CLDN1: variants seen among roughly 807,000 people sequenced by gnomAD.
CLDN1 encodes claudin 1, also known as claudin-1.
Under a neutral mutation model 22.6 loss-of-function variants are expected in CLDN1, and 12 were observed. The observed-to-expected ratio is 0.53, with a 90% CI of 0.34 to 0.86. The LOEUF (loss-of-function observed/expected upper bound fraction) is 0.86. CLDN1 is among the 40% of genes least tolerant of loss of function. The pLI, the probability that CLDN1 is intolerant of heterozygous loss-of-function variation, is 0.02. For missense variants in CLDN1, 250 were observed against 269.5 expected (o/e 0.93, Z 0.51); for synonymous variants, 99 against 103.8 (o/e 0.95, Z 0.28).
intron 1 of CLDN1, among the ~76,000 whole-genome samples, chr3:190,319,167 C>T (rs1716850861): frequency 6.6e-6 from 1 of 152,100 alleles, no homozygotes; most frequent in African/African-American, 2.4e-5. Flanking sequence ...TTTAAGCAAG[C>T]ACATAAAATT....
At chr3:190,310,356 C>T in intron 2 of CLDN1, 103 bp from the exon 3 acceptor site, 1 of 805,120 alleles carries the variant, frequency 1.2e-6, no homozygotes, top group Non-Finnish European at 2.1e-6. Context: ...TAAATCTCAT[C>T]AATAGTGTTG....
chr3:190,306,432 T>C lies in CLDN1; in HGVS notation c.*1845A>G, dbSNP rs1354194073. The C allele has an allele frequency of 6.6e-6, 1 of 152,216 alleles. No individual in the cohort carries two copies. Among genetic ancestry groups the C allele is most frequent in the African/African-American group, 2.4e-5 (1 of 41,458 alleles). The allele number at this position is 152,216 out of a possible 1,614,324, so 9.4% of individuals were successfully genotyped here. ...ACATTTGAAAAGCAACACCAAAACGTATGCAGTTAATTCCTCAATTCTTTC... is the reference window on the plus strand; with the variant it reads ...ACATTTGAAAAGCAACACCAAAACGCATGCAGTTAATTCCTCAATTCTTTC... On this transcript the variant is annotated 3_prime_UTR_variant, in exon 4 of 4. Coordinates refer to ENST00000295522, the MANE Select transcript of CLDN1 (RefSeq NM_021101.5).
intron 1 of CLDN1, among the ~76,000 whole-genome samples, chr3:190,320,433 A>G (rs544377042): frequency 6.6e-6 from 1 of 152,318 alleles, no homozygotes; most frequent in East Asian, 1.9e-4. Flanking sequence ...AATTATTACC[A>G]AATTTTTCAT....
chr3:190,311,077 G>T (rs1222577520), intron 2 of CLDN1, among the ~76,000 whole-genome samples: 1 of 152,178 alleles, frequency 6.6e-6, no homozygotes, highest in Non-Finnish European at 1.5e-5. Flanking sequence ...ATGGTCCAAT[G>T]TAATTGCCTC....
At chr3:190,311,960 T>TG (rs1370153648) in intron 2 of CLDN1, among the ~76,000 whole-genome samples, 7 of 2,904 alleles carry the variant, frequency 2.4e-3, no homozygotes, top group African/African-American at 0.019. Flanking sequence ...TTTTCTTTTT[T>TG]CTTTTTTTTT....
intron 1 of CLDN1, 46 bp from the exon 2 acceptor site, chr3:190,313,082 C>T (rs1191371213): frequency 6.2e-7 from 1 of 1,610,464 alleles, no homozygotes. Flanking sequence ...CTTGGACCAA[C>T]AAGAGAAAAA....
intron 3 of CLDN1, among the ~76,000 whole-genome samples, chr3:190,308,758 A>C (rs1261494168): frequency 6.6e-6 from 1 of 152,192 alleles, no homozygotes; most frequent in Non-Finnish European, 1.5e-5. Context: ...GGTTTGGATC[A>C]TGGTTCCTAG....
At chr3:190,321,373 C>T (rs1281192532) in intron 1 of CLDN1, among the ~76,000 whole-genome samples, 1 of 152,170 alleles carries the variant, frequency 6.6e-6, no homozygotes, top group African/African-American at 2.4e-5. Context: ...CAAGCAGCTT[C>T]TCCAAAGAGT....
chr3:190,316,963 T>G (rs1200676552), intron 1 of CLDN1, among the ~76,000 whole-genome samples: 1 of 152,158 alleles, frequency 6.6e-6, no homozygotes, highest in Non-Finnish European at 1.5e-5. Flanking sequence ...ACTTTTTGCT[T>G]ATTTTGATCT....
At chr3:190,318,420 T>G (rs1716826475) in intron 1 of CLDN1, among the ~76,000 whole-genome samples, 1 of 152,198 alleles carries the variant, frequency 6.6e-6, no homozygotes, top group South Asian at 2.1e-4. Flanking sequence ...GGAAGGAATC[T>G]TAGAACTCAT....
Position 190,308,418 on chromosome 3 carries a change from G to A in CLDN1, c.495C>T (p.Leu165=), listed in dbSNP as rs1716520426. The A allele has an allele frequency of 6.2e-7, 1 of 1,613,604 alleles. No homozygotes were observed. The highest frequency in any genetic ancestry group is 8.5e-7 in the Non-Finnish European group (1 of 1,179,798). ...GAGAAGCAGCAGCCCAGCCAGTGAAGAGAGCCTGACCAAATTCGTACCTAA... is the reference window on the plus strand; with the variant it reads ...GAGAAGCAGCAGCCCAGCCAGTGAAAAGAGCCTGACCAAATTCGTACCTAA... ...VNARYEFGQA[L]FTGWAAASLC... is the part of the protein sequence containing the mutation. Residue 165 remains leucine, a synonymous_variant, in exon 4 of 4, where the codon CTC becomes CTT. Coordinates refer to ENST00000295522, the MANE Select transcript of CLDN1 (RefSeq NM_021101.5).
chr3:190,315,371 G>T (rs137983615), intron 1 of CLDN1, among the ~76,000 whole-genome samples: 1 of 152,104 alleles, frequency 6.6e-6, no homozygotes, highest in African/African-American at 2.4e-5. Flanking sequence ...TCATCCTAAC[G>T]CAGGATGATA....
rs1716443427 is a variant in CLDN1, at chr3:190,306,091, C to G, written c.*2186G>C. ...TGTAGTTTATTATGAAGTACCATTT[C>G]CAAACTAACTATCCTAGCAGCGTCA... On this transcript the variant is annotated 3_prime_UTR_variant, in exon 4 of 4. Coordinates refer to ENST00000295522, the MANE Select transcript of CLDN1 (RefSeq NM_021101.5). 6.6e-6 allele frequency: 1 copy of G among 152,242 alleles called. No homozygotes were observed. Among genetic ancestry groups the G allele is most frequent in the Admixed American group, 6.5e-5 (1 of 15,282 alleles). The allele number at this position is 152,242 out of a possible 1,614,324, so 9.4% of individuals were successfully genotyped here. A position where few individuals can be genotyped will look rare whatever the true frequency, so the allele number is the denominator to read the frequency against.
chr3:190,316,691 A>G (rs2108611781), intron 1 of CLDN1, among the ~76,000 whole-genome samples: 1 of 152,346 alleles, frequency 6.6e-6, no homozygotes, highest in South Asian at 2.1e-4. Flanking sequence ...ATTTCCATCT[A>G]AAGCACCAAG....
chr3:190,310,211 A>C lies in CLDN1; in HGVS notation c.431T>G (p.Ile144Ser), dbSNP rs748402994. 1 of 1,613,920 alleles carries C rather than the reference A, an allele frequency of 6.2e-7. No homozygotes were observed. The highest frequency in any genetic ancestry group is 8.5e-7 in the Non-Finnish European group (1 of 1,179,862). Residue 144 changes from isoleucine to serine, a missense_variant, in exon 3 of 4, where the codon ATC becomes AGC. Ile to Ser is a moderately radical substitution (Grantham distance 142, BLOSUM62 -2). Coordinates refer to ENST00000295522, the MANE Select transcript of CLDN1 (RefSeq NM_021101.5). Reference sequence around the variant, plus strand: ...CATAGGGTCATAGAATTCTTGAACGATTCTATTGCCATACCATGCTGTGGC... The same window carrying C: ...CATAGGGTCATAGAATTCTTGAACGCTTCTATTGCCATACCATGCTGTGGC... ...LVATAWYGNRIVQEFYDPMTP... is the reference protein window; with the variant it reads ...LVATAWYGNRSVQEFYDPMTP...
intron 1 of CLDN1, among the ~76,000 whole-genome samples, chr3:190,319,877 G>A (rs1018046358): frequency 6.6e-6 from 1 of 152,198 alleles, no homozygotes; most frequent in African/African-American, 2.4e-5. Flanking sequence ...AGGTTTCCTG[G>A]GTTCTATCCA....
chr3:190,309,419 A>G (rs1279603934), intron 3 of CLDN1, among the ~76,000 whole-genome samples: 4 of 152,186 alleles, frequency 2.6e-5, no homozygotes, highest in African/African-American at 9.7e-5. Context: ...AACACATCTT[A>G]TCTCTCCAAA....
chr3:190,316,837 A>G (rs1251594485), intron 1 of CLDN1, among the ~76,000 whole-genome samples: 1 of 152,210 alleles, frequency 6.6e-6, no homozygotes, highest in Admixed American at 6.5e-5. Context: ...TAATTTTTGA[A>G]ATAATACTGA....
At position 190,310,226 on chromosome 3, in the gene CLDN1, C is replaced by G; in HGVS notation, c.416G>C (p.Trp139Ser). 5 of 1,613,820 alleles carry G rather than the reference C, an allele frequency of 3.1e-6. No individual in the cohort carries two copies. Among genetic ancestry groups the G allele is most frequent in the Non-Finnish European group, 2.5e-6 (3 of 1,179,824 alleles). Residue 139 changes from tryptophan (W) to serine (S), a missense_variant, in exon 3 of 4, where the codon TGG becomes TCG. Transcript: ENST00000295522. ...AGLAILVATA[W>S]YGNRIVQEFY... ...TTCTTGAACGATTCTATTGCCATAC[C>G]ATGCTGTGGCAACTAAAATAGCCAG... is the stretch of plus-strand genomic sequence containing the variant.
Sources: gnomAD v4.1 joint callset for allele counts (sites outside exome capture counted in the v4.1 genomes callset) on GRCh38, gnomAD v4.1.1 for gene constraint, MANE v1.5 for transcripts, NCBI Gene and HGNC (gene_info 2026-07-23, HGNC 2026-07-21) for gene names.